Variants in PIAS1 observed in about 807,000 individuals in gnomAD.
PIAS1 encodes E3 SUMO-protein ligase PIAS1.
A neutral mutation model predicts 71.3 loss-of-function variants in PIAS1; 6 were observed. That is an observed-to-expected ratio of 0.08 (90% confidence interval 0.05 to 0.17). PIAS1 has a LOEUF of 0.17. Among genes scored for constraint, PIAS1 ranks in the 10% least tolerant of loss-of-function variants. The pLI, the probability that PIAS1 is intolerant of heterozygous loss-of-function variation, is 1.00. For missense variants in PIAS1, 555 were observed against 793.6 expected, an observed-to-expected ratio of 0.70 and a Z score of 3.61; for synonymous variants, 303 against 292.9, an observed-to-expected ratio of 1.03 and a Z score of -0.35.
intron 1 of PIAS1, among the ~76,000 whole-genome samples, chr15:68,059,086 G>A (rs1225994238): frequency 6.8e-6 from 1 of 146,138 alleles, no homozygotes; most frequent in Non-Finnish European, 1.5e-5. Flanking sequence ...CGCACTGCAA[G>A]CTCCGCCTCC....
In PIAS1 at chr15:68,054,652, G is replaced by T; in HGVS notation, c.24+302G>T. 1 of 301,966 alleles carries T rather than the reference G, an allele frequency of 3.3e-6. No individual in the cohort carries two copies. Among genetic ancestry groups the T allele is most frequent in the Non-Finnish European group, 6.1e-6 (1 of 164,324 alleles). 18.7% of individuals were successfully genotyped at this position (301,966 alleles called of 1,614,324 possible). ...GAGGTAGGGGCTGCAGCTGTCTCAT[G>T]GGCTCGGCTTTTTCACCTTCCAGTT... On this transcript the variant is annotated intron_variant, in intron 1 of 13. Transcript: ENST00000249636. The surrounding 1 kb of genome is among the most constrained non-coding windows in gnomAD (Gnocchi z 4.6).
intron 2 of PIAS1, among the ~76,000 whole-genome samples, chr15:68,103,359 G>T (rs2092444530): frequency 6.8e-6 from 1 of 148,136 alleles, no homozygotes. Context: ...CTTTTCGTTA[G>T]CATTTGTCTG....
At chr15:68,137,297 G>A (rs2092740414) in intron 2 of PIAS1, among the ~76,000 whole-genome samples, 2 of 152,112 alleles carry the variant, frequency 1.3e-5, no homozygotes, top group African/African-American at 4.8e-5. Flanking sequence ...AATCAGGGGA[G>A]TAATTAAAAT....
rs1228207468 is a variant in PIAS1, at chr15:68,188,225, AT to A, written c.*392del. The A allele has an allele frequency of 6.2e-6, 1 of 160,518 alleles. No homozygotes were observed. Among genetic ancestry groups the A allele is most frequent in the African/African-American group, 2.4e-5 (1 of 41,534 alleles). 9.9% of individuals were successfully genotyped at this position (160,518 alleles called of 1,614,324 possible). A position where few individuals can be genotyped will look rare whatever the true frequency, so the allele number is the denominator to read the frequency against. On this transcript the variant is annotated 3_prime_UTR_variant, in exon 14 of 14. Coordinates refer to ENST00000249636, the MANE Select transcript of PIAS1 (RefSeq NM_016166.3). ...TTTTATTTGCAATAACAGAAAAGGAATTGCATGTATGAAGTTTTCAATCGTG... is the reference window on the plus strand; with the variant it reads ...TTTTATTTGCAATAACAGAAAAGGAATGCATGTATGAAGTTTTCAATCGTG...
At chr15:68,070,679 A>T (rs1413579620) in intron 1 of PIAS1, among the ~76,000 whole-genome samples, 2 of 151,162 alleles carry the variant, frequency 1.3e-5, no homozygotes, top group Admixed American at 1.3e-4. Context: ...TAGTATGAAA[A>T]AAAGAATGGA....
In PIAS1 at chr15:68,190,172, T is replaced by A. The variant is rs531590230; in HGVS notation, c.*2337T>A. On this transcript the variant is annotated 3_prime_UTR_variant, in exon 14 of 14. Transcript: ENST00000249636. The surrounding 1 kb of genome is among the most constrained non-coding windows in gnomAD (Gnocchi z 4.7). Reference sequence around the variant, plus strand: ...TAATTTCCCTCAGTGTCCCACATTATACCAACCTAAGAGAAGAACAGGTAA... The same window carrying A: ...TAATTTCCCTCAGTGTCCCACATTAAACCAACCTAAGAGAAGAACAGGTAA... 48 of 152,344 alleles carry A rather than the reference T, an allele frequency of 3.2e-4. 1 individual carries two copies. The highest frequency in any genetic ancestry group is 3.1e-3 in the Admixed American group (47 of 15,302). The allele number at this position is 152,344 out of a possible 1,614,324, so 9.4% of individuals were successfully genotyped here. A position where few individuals can be genotyped will look rare whatever the true frequency, so the allele number is the denominator to read the frequency against.
At chr15:68,057,390 A>G (rs1874424318) in intron 1 of PIAS1, 2 of 366,574 alleles carry the variant, frequency 5.5e-6, no homozygotes, top group African/African-American at 4.4e-5. Context: ...TGACAGCTTC[A>G]TGAAACTCCT....
At chr15:68,095,372 TGTG>T (rs2092365284) in intron 2 of PIAS1, among the ~76,000 whole-genome samples, 1 of 152,006 alleles carries the variant, frequency 6.6e-6, no homozygotes, top group South Asian at 2.1e-4. Context: ...AGGACTTGGT[TGTG>T]GTAATCATGG....
At chr15:68,111,974 C>T (rs1352612006) in intron 2 of PIAS1, among the ~76,000 whole-genome samples, 1 of 152,146 alleles carries the variant, frequency 6.6e-6, no homozygotes, top group Non-Finnish European at 1.5e-5. Flanking sequence ...TCTCTTACTA[C>T]ATACTTCCAA....
At chr15:68,144,544 A>G (rs1447523715) in intron 4 of PIAS1, among the ~76,000 whole-genome samples, 1 of 152,104 alleles carries the variant, frequency 6.6e-6, no homozygotes, top group African/African-American at 2.4e-5. Context: ...GAAAGGGTTC[A>G]GGCAGCCAGG....
chr15:68,146,749 T>A, intron 6 of PIAS1, 49 bp downstream of exon 6: 1 of 1,336,130 alleles, frequency 7.5e-7, no homozygotes, highest in Non-Finnish European at 1.1e-6. Context: ...AAGGAGGGGT[T>A]AATCACCATG....
At chr15:68,164,246 T>G (rs1193027482) in intron 7 of PIAS1, among the ~76,000 whole-genome samples, 1 of 152,144 alleles carries the variant, frequency 6.6e-6, no homozygotes, top group African/African-American at 2.4e-5. Flanking sequence ...TTTTCATAAT[T>G]TGAAGTTTGA....
At chr15:68,148,921 A>G (rs2141056250) in intron 6 of PIAS1, among the ~76,000 whole-genome samples, 1 of 152,142 alleles carries the variant, frequency 6.6e-6, no homozygotes, top group East Asian at 1.9e-4. Context: ...GGAGGTAAGT[A>G]GGGGCATCTG....
chr15:68,163,209 T>G (rs1878360), intron 7 of PIAS1, among the ~76,000 whole-genome samples: 56,755 of 152,166 alleles, frequency 0.37, 12,761 homozygotes, highest in East Asian at 0.8. Context: ...ATACTACTTT[T>G]TAAAATCATA....
chr15:68,087,354 A>G (rs1024370941), intron 2 of PIAS1, among the ~76,000 whole-genome samples: 3 of 152,234 alleles, frequency 2.0e-5, no homozygotes, highest in Non-Finnish European at 4.4e-5. Context: ...GTAGTCTAGC[A>G]TATAGAATTC....
chr15:68,082,093 A>G (rs2092234614), intron 1 of PIAS1, among the ~76,000 whole-genome samples: 1 of 152,202 alleles, frequency 6.6e-6, no homozygotes. Flanking sequence ...TCTTGACACA[A>G]CATGATTTCC....
chr15:68,063,188 A>G (rs2091979918), intron 1 of PIAS1, among the ~76,000 whole-genome samples: 1 of 152,220 alleles, frequency 6.6e-6, no homozygotes, highest in South Asian at 2.1e-4. Flanking sequence ...GCTCAGCCAA[A>G]GCAATTCATT....
chr15:68,081,139 C>T (rs555831376), intron 1 of PIAS1, among the ~76,000 whole-genome samples: 59 of 152,266 alleles, frequency 3.9e-4, no homozygotes, highest in African/African-American at 1.4e-3. Context: ...AGTTTGCGTA[C>T]ATATATATCT....
At chr15:68,130,874 C>A (rs546000153) in intron 2 of PIAS1, among the ~76,000 whole-genome samples, 276 of 152,230 alleles carry the variant, frequency 1.8e-3, no homozygotes, top group Non-Finnish European at 2.9e-3. Context: ...TATATTAATT[C>A]ATCAGATGTA....
Sources: allele counts gnomAD v4.1 joint callset (sites outside exome capture counted in the v4.1 genomes callset), GRCh38; gene constraint gnomAD v4.1.1; non-coding constraint Gnocchi (gnomAD v3.1); transcripts MANE v1.5; gene names NCBI Gene and HGNC (gene_info 2026-07-23, HGNC 2026-07-21).